The following SH3BGR variants were observed in gnomAD, a reference collection of about 807,000 sequenced individuals.
The protein encoded by SH3BGR is SH3 domain-binding glutamic acid-rich protein.
A neutral mutation model predicts 24.5 loss-of-function variants in SH3BGR; 29 were observed. That is an observed-to-expected ratio of 1.18 (90% CI 0.88 to 1.61). SH3BGR has a LOEUF of 1.61. Ranked by LOEUF, SH3BGR falls within the 40% of genes most tolerant of loss-of-function variation. The pLI is 0.00. For missense variants in SH3BGR, 162 were observed against 205.8 expected (o/e 0.79, Z 1.30); for synonymous variants, 55 against 65.7 (o/e 0.84, Z 0.79).
chr21:39,453,327 G>A (rs748100326), intron 1 of SH3BGR, among the ~76,000 whole-genome samples: 3 of 152,292 alleles, frequency 2.0e-5, no homozygotes, highest in South Asian at 2.1e-4. Context: ...GAAACTCTGC[G>A]AAATCTTTTG....
At chr21:39,476,826 A>AT (rs1397665661) in intron 3 of SH3BGR, among the ~76,000 whole-genome samples, 1 of 152,118 alleles carries the variant, frequency 6.6e-6, no homozygotes, top group Non-Finnish European at 1.5e-5. Flanking sequence ...ACAAAAGGGA[A>AT]TTTTCTATCC....
chr21:39,507,290 G>T (rs924337134), intron 4 of SH3BGR, among the ~76,000 whole-genome samples: 3 of 152,188 alleles, frequency 2.0e-5, no homozygotes, highest in Non-Finnish European at 4.4e-5. Context: ...GCCAGGAGAT[G>T]TGGGAGTGTG....
chr21:39,492,130 G>A (rs968848552), intron 3 of SH3BGR, among the ~76,000 whole-genome samples: 10 of 151,950 alleles, frequency 6.6e-5, no homozygotes, highest in Non-Finnish European at 1.2e-4. Flanking sequence ...GTGGTATTTG[G>A]TTACACAAGT....
intron 3 of SH3BGR, among the ~76,000 whole-genome samples, chr21:39,479,250 GTGGTGGTGA>G (rs911657496): frequency 2.7e-5 from 4 of 150,594 alleles, no homozygotes; most frequent in African/African-American, 9.8e-5. Context: ...GGTGGTGGTG[GTGGTGGTGA>G]TGGTAGTGCT....
At chr21:39,453,440 G>C (rs548710685) in intron 1 of SH3BGR, among the ~76,000 whole-genome samples, 1 of 152,200 alleles carries the variant, frequency 6.6e-6, no homozygotes, top group Non-Finnish European at 1.5e-5. Context: ...GTTTTGGTGG[G>C]CTCTAAATAC....
intron 3 of SH3BGR, among the ~76,000 whole-genome samples, chr21:39,494,115 G>A (rs2078350757): frequency 6.6e-6 from 1 of 152,066 alleles, no homozygotes; most frequent in African/African-American, 2.4e-5. Flanking sequence ...TAGAAACATT[G>A]CCATCATATG....
intron 6 of SH3BGR, among the ~76,000 whole-genome samples, chr21:39,513,090 A>G (rs2078725131): frequency 6.6e-6 from 1 of 152,174 alleles, no homozygotes; most frequent in African/African-American, 2.4e-5. Context: ...TGTTACTCTC[A>G]GGAGATAATG....
chr21:39,465,218 C>T (rs1296232049), intron 2 of SH3BGR, among the ~76,000 whole-genome samples: 1 of 152,116 alleles, frequency 6.6e-6, no homozygotes, highest in Non-Finnish European at 1.5e-5. Flanking sequence ...AATTTCTGAC[C>T]CCTGTCATTC....
At chr21:39,449,080 C>T (rs1285905529), upstream of SH3BGR, among the ~76,000 whole-genome samples, 2 of 152,208 alleles carry the variant, frequency 1.3e-5, no homozygotes, top group African/African-American at 4.8e-5. Context: ...AATTCCATCC[C>T]ATTTTAATGC....
At chr21:39,504,754 T>C (rs897085132) in intron 4 of SH3BGR, among the ~76,000 whole-genome samples, 1 of 152,252 alleles carries the variant, frequency 6.6e-6, no homozygotes, top group African/African-American at 2.4e-5. Flanking sequence ...GCATTTTACA[T>C]AGATAACTTT....
intron 1 of SH3BGR, among the ~76,000 whole-genome samples, chr21:39,460,942 AT>A (rs1346199597): frequency 6.6e-6 from 1 of 151,846 alleles, no homozygotes; most frequent in Admixed American, 6.6e-5. Context: ...CGTGAGCCAC[AT>A]TGTCTGGCCT....
chr21:39,465,784 G>C (rs1270743193), intron 2 of SH3BGR, among the ~76,000 whole-genome samples: 1 of 152,038 alleles, frequency 6.6e-6, no homozygotes, highest in Non-Finnish European at 1.5e-5. Context: ...TAGAGATAGG[G>C]TCTCACTGTA....
intron 1 of SH3BGR, among the ~76,000 whole-genome samples, chr21:39,452,501 A>G (rs1266681377): frequency 6.6e-6 from 1 of 152,224 alleles, no homozygotes; most frequent in Non-Finnish European, 1.5e-5. Context: ...AATTGTAAAT[A>G]AATGATACTT....
intron 4 of SH3BGR, among the ~76,000 whole-genome samples, chr21:39,506,695 A>G (rs1602173449): frequency 6.6e-6 from 1 of 152,224 alleles, no homozygotes; most frequent in East Asian, 1.9e-4. Flanking sequence ...TGATTCAGTT[A>G]CCTCCACCTG....
At chr21:39,456,524 A>T (rs996037658) in intron 1 of SH3BGR, among the ~76,000 whole-genome samples, 1 of 152,200 alleles carries the variant, frequency 6.6e-6, no homozygotes, top group African/African-American at 2.4e-5. Flanking sequence ...TTCAGCCGTG[A>T]AACTGTGGAA....
intron 5 of SH3BGR, among the ~76,000 whole-genome samples, chr21:39,510,770 A>G (rs1311046361): frequency 6.6e-6 from 1 of 151,394 alleles, no homozygotes; most frequent in Non-Finnish European, 1.5e-5. Context: ...AAGAAATTCC[A>G]GATTATATAT....
intron 3 of SH3BGR, among the ~76,000 whole-genome samples, chr21:39,492,481 TAC>T (rs900456010): frequency 0.031 from 2,555 of 81,474 alleles, 93 homozygotes; most frequent in African/African-American, 0.073. Flanking sequence ...TATATATATA[TAC>T]ACACACACAC....
At chr21:39,496,731 TA>T (rs1389876793) in intron 3 of SH3BGR, among the ~76,000 whole-genome samples, 1 of 152,108 alleles carries the variant, frequency 6.6e-6, no homozygotes. Flanking sequence ...ATGGTAGTGA[TA>T]AAAATCTGTA....
chr21:39,458,503 A>G (rs1006869376), intron 1 of SH3BGR, among the ~76,000 whole-genome samples: 3 of 151,412 alleles, frequency 2.0e-5, no homozygotes, highest in African/African-American at 7.3e-5. Flanking sequence ...ACACCCAGCT[A>G]ATTTTTGTAT....
Sources: allele counts gnomAD v4.1 joint callset (sites outside exome capture counted in the v4.1 genomes callset), GRCh38; gene constraint gnomAD v4.1.1; transcripts MANE v1.5; gene names NCBI Gene and HGNC (gene_info 2026-07-23, HGNC 2026-07-21).